Variants in TOM1L2 observed in about 807,000 individuals in gnomAD.
The protein encoded by TOM1L2 is target of myb1 like 2 membrane trafficking protein.
TOM1L2 carries 31 observed loss-of-function variants against 67.9 expected under a neutral mutation model. The ratio of observed to expected loss-of-function variants is 0.46; its 90% CI spans 0.34 to 0.62. TOM1L2 has a LOEUF of 0.62. Ranked by LOEUF, TOM1L2 falls within the 20% of genes least tolerant of loss-of-function variation. TOM1L2 has a pLI of 0.01. For synonymous variants in TOM1L2, 256 were observed against 254.0 expected (o/e 1.01, Z -0.07); for missense variants, 606 against 663.5 (o/e 0.91, Z 0.95).
At chr17:17,880,624 A>AGAG (rs1360846827) in intron 6 of TOM1L2, among the ~76,000 whole-genome samples, 1 of 152,208 alleles carries the variant, frequency 6.6e-6, no homozygotes, top group East Asian at 1.9e-4. Context: ...AACGCTGGAC[A>AGAG]GAGGTCAAGA....
intron 1 of TOM1L2, among the ~76,000 whole-genome samples, chr17:17,969,352 A>G (rs2041984698): frequency 6.6e-6 from 1 of 152,072 alleles, no homozygotes; most frequent in Non-Finnish European, 1.5e-5. Context: ...CACCACAACC[A>G]GCCTACAGCT....
At chr17:17,927,658 C>G (rs943578280) in intron 1 of TOM1L2, among the ~76,000 whole-genome samples, 1 of 149,910 alleles carries the variant, frequency 6.7e-6, no homozygotes, top group Non-Finnish European at 1.5e-5. Flanking sequence ...AAGCTGTTGG[C>G]TATACTTTTT....
intron 1 of TOM1L2, among the ~76,000 whole-genome samples, chr17:17,945,288 ACACT>A (rs992285524): frequency 9.5e-5 from 14 of 147,952 alleles, no homozygotes; most frequent in Non-Finnish European, 1.6e-4. Flanking sequence ...ACACACACAC[ACACT>A]CTCTCTCTCT....
At chr17:17,920,633 C>A (rs867165818) in intron 1 of TOM1L2, among the ~76,000 whole-genome samples, 1 of 146,410 alleles carries the variant, frequency 6.8e-6, no homozygotes, top group Non-Finnish European at 1.5e-5. Context: ...CCACTGCGCC[C>A]GGCTTTTTTT....
rs2036265898 is a variant in TOM1L2 at position 17,856,636 on chromosome 17, C to T, written c.1278+4840G>A. On this transcript the variant is annotated intron_variant, in intron 12 of 14. Coordinates refer to ENST00000379504, the MANE Select transcript of TOM1L2 (RefSeq NM_001082968.2). ...TGGGCAGTTATGTATTCCTCTCACC[C>T]CACCCCACCTGGAGGGAGAGGCACA... Among the ~76,000 whole-genome samples the T allele has an allele frequency of 3.9e-5, 6 of 152,352 alleles. No individual in the cohort carries two copies. The South Asian group carries it at 1.2e-3, about 32-fold the overall frequency.
At chr17:17,865,268 G>T (rs891298416) in intron 10 of TOM1L2, among the ~76,000 whole-genome samples, 1 of 152,212 alleles carries the variant, frequency 6.6e-6, no homozygotes, top group Admixed American at 6.5e-5. Context: ...TGTAGATATT[G>T]ACAATCAATC....
chr17:17,940,636 A>T (rs2040694299), intron 1 of TOM1L2, among the ~76,000 whole-genome samples: 1 of 152,170 alleles, frequency 6.6e-6, no homozygotes, highest in Admixed American at 6.5e-5. Context: ...AGCACTCAAG[A>T]CCCTCAGCAA....
At chr17:17,850,509 C>CAA (rs1224797132) in intron 13 of TOM1L2, among the ~76,000 whole-genome samples, 1 of 149,400 alleles carries the variant, frequency 6.7e-6, no homozygotes, top group Non-Finnish European at 1.5e-5. Context: ...CAAAACAAAA[C>CAA]AAAACAAAAA....
In TOM1L2 at chr17:17,872,701, C is replaced by T. The variant is rs572734383; in HGVS notation, c.778-3228G>A. The stretch of plus-strand genomic sequence containing the variant: ...CCAGGCACTGCTGAGCTCCTCTTTG[C>T]TCCAGCGCTCCAGGTGTCTGCGGAA... On this transcript the variant is annotated intron_variant, in intron 7 of 14. Transcript: ENST00000379504. Among the ~76,000 whole-genome samples, 19 of 152,368 alleles carry T rather than the reference C, an allele frequency of 1.2e-4. No homozygotes were observed. The South Asian group carries it at 3.7e-3, about 30-fold the overall frequency.
chr17:17,948,979 C>T lies in TOM1L2; in HGVS notation c.52+23283G>A, dbSNP rs149647702. Reference sequence around the variant, plus strand: ...GGGCAAAGCCAAAAAGTTAAGAGTGCCAAGCAGGGGTCAAAATGCCAGAAG... The same window carrying T: ...GGGCAAAGCCAAAAAGTTAAGAGTGTCAAGCAGGGGTCAAAATGCCAGAAG... On this transcript the variant is annotated intron_variant, in intron 1 of 14. Coordinates refer to ENST00000379504, the MANE Select transcript of TOM1L2 (RefSeq NM_001082968.2). 9.2e-5 allele frequency among the ~76,000 whole-genome samples: 14 copies of T among 152,238 alleles called. No homozygotes were observed. In the East Asian group the frequency reaches 2.7e-3, roughly 29 times the overall value.
chr17:17,857,697 G>A, intron 12 of TOM1L2: 1 of 1,335,392 alleles, frequency 7.5e-7, no homozygotes, highest in Non-Finnish European at 1.0e-6. Context: ...GGTCACAAGA[G>A]GAAGACATGA....
chr17:17,947,779 A>G (rs1283031682), intron 1 of TOM1L2, among the ~76,000 whole-genome samples: 1 of 152,216 alleles, frequency 6.6e-6, no homozygotes, highest in Non-Finnish European at 1.5e-5. Flanking sequence ...CTGGGACTCA[A>G]AGTGAAGTCT....
intron 1 of TOM1L2, among the ~76,000 whole-genome samples, chr17:17,910,112 A>T (rs1356133217): frequency 6.6e-6 from 1 of 152,162 alleles, no homozygotes; most frequent in African/African-American, 2.4e-5. Context: ...AAGACAGAAA[A>T]ATTATACATA....
chr17:17,847,644 G>T lies in TOM1L2; in HGVS notation c.1515C>A (p.Phe505Leu). 6.2e-7 allele frequency: 1 copy of T among 1,611,226 alleles called. No homozygotes were observed. Among genetic ancestry groups the T allele is most frequent in the Non-Finnish European group, 8.5e-7 (1 of 1,178,492 alleles). The part of the protein sequence containing the change: ...KKPERSEDAL[F>L]AL ...CAAACCACAGAGCTGCTCACAGGGCGAAGAGGGCATCCTCTGACCGCTCTG... is the reference window on the plus strand; with the variant it reads ...CAAACCACAGAGCTGCTCACAGGGCTAAGAGGGCATCCTCTGACCGCTCTG... Residue 505 changes from phenylalanine to leucine, a missense_variant, in exon 15 of 15, where the codon TTC (phenylalanine) becomes TTA (leucine). Phe to Leu is a conservative substitution (Grantham distance 22). This residue lies in a region of TOM1L2 where 543 missense variants were observed against 554.0 expected (regional missense o/e 0.98). Coordinates refer to ENST00000379504, the MANE Select transcript of TOM1L2 (RefSeq NM_001082968.2).
chr17:17,937,314 T>C (rs1329785026), intron 1 of TOM1L2, among the ~76,000 whole-genome samples: 1 of 152,230 alleles, frequency 6.6e-6, no homozygotes, highest in Admixed American at 6.5e-5. Context: ...GACATTTTTA[T>C]TTTTATCTTT....
intron 1 of TOM1L2, among the ~76,000 whole-genome samples, chr17:17,924,765 AAAAAT>A (rs1291093801): frequency 1.3e-5 from 2 of 152,240 alleles, no homozygotes; most frequent in Non-Finnish European, 2.9e-5. Flanking sequence ...ACCCTGCCTC[AAAAAT>A]AAAATAAAAT....
chr17:17,945,267 T>TACACAC lies in TOM1L2; in HGVS notation c.52+26989_52+26994dup, dbSNP rs143501362. Among the ~76,000 whole-genome samples, 31 of 147,154 alleles carry TACACAC rather than the reference T, an allele frequency of 2.1e-4. No homozygotes were observed. In the East Asian group the frequency reaches 4.9e-3, roughly 23 times the overall value. ...CCAAATGTTTCACCACACACACACA[T>TACACAC]ACACACACACACACACACACACACT... is the stretch of plus-strand genomic sequence containing the variant. On this transcript the variant is annotated intron_variant, in intron 1 of 14. Transcript: ENST00000379504.
intron 7 of TOM1L2, among the ~76,000 whole-genome samples, chr17:17,879,090 G>A (rs8065563): frequency 0.44 from 66,314 of 152,056 alleles, 17,271 homozygotes; most frequent in Non-Finnish European, 0.61. Flanking sequence ...CTCAGTGTTA[G>A]GGAAAAGCAT....
chr17:17,927,486 A>T (rs2040142201), intron 1 of TOM1L2, among the ~76,000 whole-genome samples: 1 of 152,218 alleles, frequency 6.6e-6, no homozygotes, highest in Non-Finnish European at 1.5e-5. Flanking sequence ...TCAATGTGAT[A>T]CATCAAGGGA....
Sources: allele counts gnomAD v4.1 joint callset (sites outside exome capture counted in the v4.1 genomes callset), GRCh38; gene constraint gnomAD v4.1.1; regional missense constraint gnomAD v4.1.1; transcripts MANE v1.5; gene names NCBI Gene and HGNC (gene_info 2026-07-23, HGNC 2026-07-21).